Variants in KLF13 observed in about 807,000 individuals in gnomAD.
KLF13 encodes KLF transcription factor 13, also known as Krueppel-like factor 13.
Under a neutral mutation model 16.7 loss-of-function variants are expected in KLF13, and 8 were observed. The observed-to-expected ratio is 0.48, with a 90% CI of 0.28 to 0.87. The LOEUF is 0.87. Ranked by LOEUF, KLF13 falls within the 40% of genes least tolerant of loss-of-function variation. The pLI, the probability that KLF13 is intolerant of heterozygous loss-of-function variation, is 0.10. For synonymous variants in KLF13, 245 were observed against 208.4 expected (o/e 1.18, Z -1.51); for missense variants, 447 against 452.2 (o/e 0.99, Z 0.10).
chr15:31,371,822 C>T (rs545740912), intron 1 of KLF13, among the ~76,000 whole-genome samples, 188 bp from the exon 2 acceptor site: 12 of 152,332 alleles, frequency 7.9e-5, no homozygotes, highest in African/African-American at 1.2e-4. Flanking sequence ...CCATCCCAGG[C>T]GTGGGCGGGA....
chr15:31,428,506 T>C (rs541392993), intron 1 of KLF13, among the ~76,000 whole-genome samples: 16 of 152,104 alleles, frequency 1.1e-4, no homozygotes, highest in Non-Finnish European at 1.9e-4. Flanking sequence ...CTAAATTTTA[T>C]ATAGAAATGC....
intron 1 of KLF13, among the ~76,000 whole-genome samples, chr15:31,338,450 T>C (rs2038967804): frequency 6.6e-6 from 1 of 152,220 alleles, no homozygotes; most frequent in Non-Finnish European, 1.5e-5. Flanking sequence ...TCTTGAGGCA[T>C]CTGGCCAGGT....
At position 31,372,210 on chromosome 15, in the gene KLF13, C is replaced by T. The variant is rs765496627; in HGVS notation, c.778C>T (p.Arg260Cys). ...CTTCCACCCGGGAATGCTGCAGCGG[C>T]GCGGCGGGGGCTCGCGGACCGGCTC... is the stretch of plus-strand genomic sequence containing the variant. ...ANFHPGMLQR[R>C]GGGSRTGSLS... The change falls in exon 2 of 2, where the codon CGC (arginine) becomes TGC (cysteine). Residue 260 changes from arginine (R) to cysteine (C), a missense_variant. Transcript: ENST00000307145. 1.7e-5 allele frequency: 27 copies of T among 1,603,846 alleles called. No homozygotes were observed. Among genetic ancestry groups the T allele is most frequent in the South Asian group, 6.6e-5 (6 of 90,730 alleles).
chr15:31,409,703 T>C (rs921286616), downstream of KLF13, among the ~76,000 whole-genome samples: 1 of 152,116 alleles, frequency 6.6e-6, no homozygotes, highest in Non-Finnish European at 1.5e-5. Flanking sequence ...TCAGAAGCCA[T>C]GCAAGCCAGA....
chr15:31,397,747 T>C (rs2039973451), intron 2 of KLF13, among the ~76,000 whole-genome samples: 1 of 152,058 alleles, frequency 6.6e-6, no homozygotes, highest in African/African-American at 2.4e-5. Context: ...CCATACCCAG[T>C]GGCCAGCAGC....
chr15:31,347,124 T>C (rs1349823032), intron 1 of KLF13, among the ~76,000 whole-genome samples: 1 of 152,018 alleles, frequency 6.6e-6, no homozygotes, highest in Non-Finnish European at 1.5e-5. Context: ...AGCAGGGAAT[T>C]CAGGATTTGG....
chr15:31,431,959 T>C (rs973796030), intron 1 of KLF13, among the ~76,000 whole-genome samples: 5 of 151,708 alleles, frequency 3.3e-5, no homozygotes, highest in Non-Finnish European at 7.4e-5. Context: ...GTGGCAGAGA[T>C]CTGGGGAAGG....
At chr15:31,340,091 T>C in intron 1 of KLF13, 1 of 698,700 alleles carries the variant, frequency 1.4e-6, no homozygotes, top group Non-Finnish European at 2.6e-6. Context: ...CCTCTAGGCC[T>C]GTTTCCAGGG....
intron 1 of KLF13, among the ~76,000 whole-genome samples, chr15:31,356,510 C>A (rs2039302620): frequency 6.6e-6 from 1 of 152,244 alleles, no homozygotes; most frequent in African/African-American, 2.4e-5. Flanking sequence ...CAAGATCGCG[C>A]CACTGCACTC....
At chr15:31,367,421 G>C (rs559801738) in intron 1 of KLF13, among the ~76,000 whole-genome samples, 1 of 152,326 alleles carries the variant, frequency 6.6e-6, no homozygotes, top group Non-Finnish European at 1.5e-5. Flanking sequence ...GGGAGGCCAA[G>C]AGCTGTGCTG....
At chr15:31,422,961 T>C (rs944746941) in intron 1 of KLF13, among the ~76,000 whole-genome samples, 3 of 150,936 alleles carry the variant, frequency 2.0e-5, no homozygotes, top group Admixed American at 2.0e-4. Flanking sequence ...CACTTGAACC[T>C]GGGAGACAGA....
intron 1 of KLF13, among the ~76,000 whole-genome samples, chr15:31,360,465 G>A (rs917605579): frequency 3.3e-5 from 5 of 152,204 alleles, no homozygotes; most frequent in African/African-American, 9.7e-5. Context: ...GACAGGGCCC[G>A]GGGCTGCCAG....
intron 1 of KLF13, among the ~76,000 whole-genome samples, chr15:31,362,647 T>C (rs1373790094): frequency 6.6e-6 from 1 of 152,230 alleles, no homozygotes; most frequent in Non-Finnish European, 1.5e-5. Context: ...AATGCATTTG[T>C]GTGTTTTAGA....
At chr15:31,391,808 G>T (rs535175909), upstream of KLF13, among the ~76,000 whole-genome samples, 19 of 152,258 alleles carry the variant, frequency 1.2e-4, no homozygotes, top group African/African-American at 4.6e-4. Flanking sequence ...TTGGGTTGGG[G>T]GAGGCGGAGC....
chr15:31,430,668 T>C (rs770452381), intron 1 of KLF13, among the ~76,000 whole-genome samples: 5 of 152,206 alleles, frequency 3.3e-5, no homozygotes, highest in Non-Finnish European at 5.9e-5. Flanking sequence ...TTCCAACATA[T>C]ACTTTCTAGG....
intron 1 of KLF13, among the ~76,000 whole-genome samples, chr15:31,427,582 G>A (rs919603491): frequency 2.0e-5 from 3 of 152,202 alleles, no homozygotes; most frequent in Non-Finnish European, 2.9e-5. Flanking sequence ...ATGGACAGAT[G>A]AATGGATAAG....
Position 31,366,377 on chromosome 15 carries a change from C to T in KLF13, c.578-5633C>T, listed in dbSNP as rs184977474. The T allele has an allele frequency of 2.5e-3, 387 of 152,560 alleles. 3 individuals carry two copies. Among genetic ancestry groups the T allele is most frequent in the Non-Finnish European group, 4.6e-3 (313 of 68,216 alleles). The allele number at this position is 152,560 out of a possible 1,614,324, so 9.5% of individuals were successfully genotyped here. On this transcript the variant is annotated intron_variant, in intron 1 of 1. Coordinates refer to ENST00000307145, the MANE Select transcript of KLF13 (RefSeq NM_015995.4). ...CAAGGCCTAACCCCGCCTTGTCCCACGGCCCCCACCCCATGCACAGGCACA... is the reference window on the plus strand; with the variant it reads ...CAAGGCCTAACCCCGCCTTGTCCCATGGCCCCCACCCCATGCACAGGCACA...
At chr15:31,409,766 C>T (rs1187648757) in intron 1 of KLF13, among the ~76,000 whole-genome samples, 1 of 152,134 alleles carries the variant, frequency 6.6e-6, no homozygotes, top group Non-Finnish European at 1.5e-5. Flanking sequence ...GTCATCCCAG[C>T]ATTCTATATT....
chr15:31,342,111 G>T (rs990006586), intron 1 of KLF13, among the ~76,000 whole-genome samples: 1 of 152,138 alleles, frequency 6.6e-6, no homozygotes, highest in Non-Finnish European at 1.5e-5. Context: ...ACCTCAAGGT[G>T]AAAGACTCAG....
Sources: allele counts gnomAD v4.1 joint callset (sites outside exome capture counted in the v4.1 genomes callset), GRCh38; gene constraint gnomAD v4.1.1; transcripts MANE v1.5; gene names NCBI Gene and HGNC (gene_info 2026-07-23, HGNC 2026-07-21).